The following PUM3 variants were observed in gnomAD, a reference collection of about 807,000 sequenced individuals.
PUM3 encodes the protein pumilio RNA binding family member 3.
Under a neutral mutation model 84.0 loss-of-function variants are expected in PUM3, and 91 were observed. That is an observed-to-expected ratio of 1.08 (90% CI 0.91 to 1.29). PUM3 has a LOEUF of 1.29. Ranked by LOEUF, PUM3 falls within the 50% of genes most tolerant of loss-of-function variation. The pLI is 0.00. For missense variants in PUM3, 1,067 were observed against 767.5 expected (o/e 1.39, Z -4.61); for synonymous variants, 321 against 266.7 (o/e 1.20, Z -1.98).
chr9:2,836,744 T>A (rs1194431855), intron 3 of PUM3, among the ~76,000 whole-genome samples: 3 of 152,152 alleles, frequency 2.0e-5, no homozygotes, highest in East Asian at 1.9e-4. Flanking sequence ...GACAGACTGA[T>A]TCTTTAAAGC....
At chr9:2,831,734 A>G (rs1563833890) in intron 5 of PUM3, among the ~76,000 whole-genome samples, 1 of 152,330 alleles carries the variant, frequency 6.6e-6, no homozygotes, top group East Asian at 1.9e-4. Context: ...TGATTTTTAT[A>G]TAAGTGATCT....
rs1821557919 is a variant in PUM3 at position 2,820,094 on chromosome 9, T to G, written c.1193A>C (p.Gln398Pro). The G allele has an allele frequency of 6.2e-7, 1 of 1,609,402 alleles. No homozygotes were observed. Among genetic ancestry groups the G allele is most frequent in the Non-Finnish European group, 8.5e-7 (1 of 1,176,384 alleles). The change falls in exon 13 of 18, where the codon CAA becomes CCA. Residue 398 changes from glutamine to proline, a missense_variant. By Grantham distance (76) the Gln-to-Pro change is moderately conservative. Coordinates refer to ENST00000397885, the MANE Select transcript of PUM3 (RefSeq NM_014878.5). ...KTYVEKVANG[Q>P]YSHLVLLAAF... is the part of the protein sequence containing the mutation. ...CGCCAGTAAAACCAAATGGGAGTAT[T>G]GGCCCTGCAAGAATTGGAAGCCAGC...
At position 2,838,471 on chromosome 9, in the gene PUM3, T is replaced by G. The variant is rs759294824; in HGVS notation, c.37A>C (p.Ser13Arg). ...VKGKKQFTGK[S>R]TKTAQEKNRF... ...TTTTTTTCTTGTGCTGTCTTTGTACTCTTTCCTGTGAATTGCTTTTTCCCT... is the reference window on the plus strand; with the variant it reads ...TTTTTTTCTTGTGCTGTCTTTGTACGCTTTCCTGTGAATTGCTTTTTCCCT... Residue 13 changes from serine to arginine, a missense_variant, in exon 2 of 18, where the codon AGT (serine) becomes CGT (arginine). By Grantham distance (110) the Ser-to-Arg change is moderately radical (BLOSUM62 -1). Transcript: ENST00000397885. 6.2e-7 allele frequency: 1 copy of G among 1,613,700 alleles called. No homozygotes were observed. Among genetic ancestry groups the G allele is most frequent in the Non-Finnish European group, 8.5e-7 (1 of 1,179,678 alleles).
intron 5 of PUM3, among the ~76,000 whole-genome samples, chr9:2,831,700 C>A (rs1275832605): frequency 6.6e-6 from 1 of 152,128 alleles, no homozygotes; most frequent in Admixed American, 6.5e-5. Context: ...GGAAATATTT[C>A]TGTTTAAAAG....
In PUM3 at chr9:2,823,578, A is replaced by G. The variant is rs745507854; in HGVS notation, c.1188+203T>C. On this transcript the variant is annotated intron_variant, in intron 12 of 17. Coordinates refer to ENST00000397885, the MANE Select transcript of PUM3 (RefSeq NM_014878.5). Reference sequence around the variant, plus strand: ...AACTATCACAATACAATGTTAAATTAAAAAAGGAGAAAAGAATGCATGTGA... The same window carrying G: ...AACTATCACAATACAATGTTAAATTGAAAAAGGAGAAAAGAATGCATGTGA... Among the ~76,000 whole-genome samples, 3 of 152,170 alleles carry G rather than the reference A, an allele frequency of 2.0e-5. No individual in the cohort carries two copies. The South Asian group carries it at 6.2e-4, about 32-fold the overall frequency.
intron 1 of PUM3, among the ~76,000 whole-genome samples, chr9:2,841,655 C>T (rs1199756628): frequency 6.6e-6 from 1 of 150,718 alleles, no homozygotes; most frequent in Non-Finnish European, 1.5e-5. Flanking sequence ...TTAAGTTTTA[C>T]TTGCTAACTT....
intron 13 of PUM3, among the ~76,000 whole-genome samples, chr9:2,814,282 G>A (rs1198095881): frequency 1.8e-5 from 1 of 56,416 alleles, no homozygotes; most frequent in Non-Finnish European, 3.6e-5. Flanking sequence ...CGTGATCTTG[G>A]CTCGCTGCCA....
intron 4 of PUM3, 78 bp downstream of exon 4, chr9:2,833,953 C>G (rs1333392878): frequency 9.7e-6 from 14 of 1,437,620 alleles, no homozygotes; most frequent in Non-Finnish European, 1.3e-5. Context: ...TATTTTAGGA[C>G]ATCTCACTAT....
At chr9:2,818,302 C>G (rs1258347690) in intron 13 of PUM3, among the ~76,000 whole-genome samples, 2 of 152,128 alleles carry the variant, frequency 1.3e-5, no homozygotes, top group Non-Finnish European at 2.9e-5. Flanking sequence ...GAAAGCTGCC[C>G]TAAGTATGAG....
chr9:2,817,960 T>G (rs1821505459), intron 13 of PUM3, among the ~76,000 whole-genome samples: 1 of 152,256 alleles, frequency 6.6e-6, no homozygotes. Context: ...GTAAACTGGA[T>G]GAAACTTTAT....
In PUM3 at chr9:2,829,832, A is replaced by C. The variant is rs1484123645; in HGVS notation, c.794T>G (p.Leu265Trp). The change falls in exon 8 of 18, where the codon TTG becomes TGG. Residue 265 changes from leucine to tryptophan, a missense_variant. Physicochemically the swap from Leu to Trp is moderately conservative, Grantham distance 61. Coordinates refer to ENST00000397885, the MANE Select transcript of PUM3 (RefSeq NM_014878.5). ...VEYAYNDKAILEQRNMLTEEL... is the reference protein window; with the variant it reads ...VEYAYNDKAIWEQRNMLTEEL... The stretch of plus-strand genomic sequence containing the variant: ...TTCCGTCAGCATGTTCCTCTGCTCC[A>C]AAATGGCTTTGTCATTGTATGCGTA... 1 of 1,614,212 alleles carries C rather than the reference A, an allele frequency of 6.2e-7. No homozygotes were observed.
intron 13 of PUM3, among the ~76,000 whole-genome samples, chr9:2,813,060 C>T (rs1184095489): frequency 6.6e-6 from 1 of 152,108 alleles, no homozygotes; most frequent in Non-Finnish European, 1.5e-5. Context: ...GTTTAGCTAC[C>T]GCAATGAAAA....
chr9:2,811,572 G>A lies in PUM3; in HGVS notation c.1424C>T (p.Thr475Ile), dbSNP rs1821374422. 3 of 1,613,352 alleles carry A rather than the reference G, an allele frequency of 1.9e-6. No individual in the cohort carries two copies. Among genetic ancestry groups the A allele is most frequent in the East Asian group, 2.2e-5 (1 of 44,880 alleles). Residue 475 changes from threonine (T) to isoleucine (I), a missense_variant, in exon 15 of 18, where the codon ACA becomes ATA. Transcript: ENST00000397885. Reference sequence around the variant, plus strand: ...TAGGAGCTCCCGTCTGCGGACCTCTGTATCTTTCTTACTGTTGAGTATGTT... The same window carrying A: ...TAGGAGCTCCCGTCTGCGGACCTCTATATCTTTCTTACTGTTGAGTATGTT... ...GDGNAHSKKD[T>I]EVRRRELLES...
Position 2,812,283 on chromosome 9 carries a change from T to C in PUM3, c.1349A>G (p.Asp450Gly). ...GATTTCTCGTACTGTATGTGCAGGA[T>C]CTCTGGGGCTTAGTAAGTACAATAG... ...KVLLYLLSPR[D>G]PAHTVREIIE... is the part of the protein sequence containing the mutation. The change falls in exon 14 of 18, where the codon GAT (aspartate) becomes GGT (glycine). Residue 450 changes from aspartate to glycine, a missense_variant. Transcript: ENST00000397885. 4 of 1,612,082 alleles carry C rather than the reference T, an allele frequency of 2.5e-6. No homozygotes were observed. Among genetic ancestry groups the C allele is most frequent in the Non-Finnish European group, 3.4e-6 (4 of 1,178,160 alleles).
intron 9 of PUM3, among the ~76,000 whole-genome samples, chr9:2,827,958 G>T (rs1815868359): frequency 6.6e-6 from 1 of 152,180 alleles, no homozygotes; most frequent in Non-Finnish European, 1.5e-5. Flanking sequence ...GGTCCCAAAA[G>T]CTATGCTCAG....
chr9:2,838,804 T>TA (rs1333068559), intron 1 of PUM3, among the ~76,000 whole-genome samples: 1 of 152,178 alleles, frequency 6.6e-6, no homozygotes, highest in East Asian at 1.9e-4. Context: ...TAGTACTGGC[T>TA]AAAAATAGAC....
rs749347432 is a variant in PUM3, at chr9:2,820,132, C to T, written c.1189-34G>A. The T allele has an allele frequency of 3.0e-6, 4 of 1,318,884 alleles. No individual in the cohort carries two copies. In the South Asian group the frequency reaches 4.7e-5, roughly 16 times the overall value. The allele number at this position is 1,318,884 out of a possible 1,614,324, so 81.7% of individuals were successfully genotyped here. ...ATTGGAAGCCAGCAAAGGTTAAAAA[C>T]AAGTGCATAGATCTTCCCTCTTATT... On this transcript the variant is annotated intron_variant, in intron 12 of 17. Transcript: ENST00000397885.
At position 2,833,369 on chromosome 9, in the gene PUM3, C is replaced by T; in HGVS notation, c.504G>A (p.Gly168=). Residue 168 remains glycine, a synonymous_variant, in exon 5 of 18, where the codon GGG becomes GGA. Coordinates refer to ENST00000397885, the MANE Select transcript of PUM3 (RefSeq NM_014878.5). ...LMSDLQKLIQ[G]KIKTIAFAHD... ...ATATGCTACTTACAGTTTTAATTTT[C>T]CCTTGAATCAACTTCTGCAAATCAC... The T allele has an allele frequency of 1.9e-6, 3 of 1,582,628 alleles. No homozygotes were observed. The highest frequency in any genetic ancestry group is 1.7e-4 in the Middle Eastern group (1 of 5,966).
At chr9:2,811,215 A>G in intron 15 of PUM3, 146 bp downstream of exon 15, 1 of 656,542 alleles carries the variant, frequency 1.5e-6, no homozygotes. Flanking sequence ...TTAAAGATGA[A>G]TGTAATTGCT....
Sources: gnomAD v4.1 joint callset for allele counts (sites outside exome capture counted in the v4.1 genomes callset) on GRCh38, gnomAD v4.1.1 for gene constraint, MANE v1.5 for transcripts, NCBI Gene and HGNC (gene_info 2026-07-23, HGNC 2026-07-21) for gene names.